Variants in REELD1 observed in about 807,000 individuals in gnomAD.
REELD1 encodes reelin domain-containing protein 1.
REELD1 carries 12 observed loss-of-function variants against 6.3 expected under a neutral mutation model. The ratio of observed to expected loss-of-function variants is 1.89; its 90% CI spans 1.21 to 3.07. The LOEUF (loss-of-function observed/expected upper bound fraction) is 3.07. REELD1 is among the 30% of genes most tolerant of loss of function. The pLI, the probability that REELD1 is intolerant of heterozygous loss-of-function variation, is 0.00. For synonymous variants in REELD1, 57 were observed against 33.6 expected, an observed-to-expected ratio of 1.70 and a Z score of -2.42; for missense variants, 163 against 86.8, an observed-to-expected ratio of 1.88 and a Z score of -3.49.
intron 3 of REELD1, among the ~76,000 whole-genome samples, chr4:146,218,187 T>A (rs1372149398): frequency 6.6e-6 from 1 of 152,180 alleles, no homozygotes; most frequent in Non-Finnish European, 1.5e-5. Context: ...GTGAAACACC[T>A]CTGAATCATC....
In REELD1 at chr4:146,230,231, C is replaced by T; in HGVS notation, c.1299C>T (p.Ala433=). The change falls in exon 8 of 8, where the codon GCC becomes GCT. Residue 433 remains alanine (A), a synonymous_variant. Coordinates refer to ENST00000623665, the MANE Select transcript of REELD1 (RefSeq NM_001354631.1). ...RPDIGLEGAQ[A]PLGIQLRTPQ... The stretch of plus-strand genomic sequence containing the variant: ...ACATTGGGCTAGAGGGAGCCCAGGC[C>T]CCTCTGGGTATCCAGCTCAGAACTC... 2.5e-6 allele frequency: 1 copy of T among 398,790 alleles called. No individual in the cohort carries two copies. The highest frequency in any genetic ancestry group is 4.4e-6 in the Non-Finnish European group (1 of 226,168). 24.7% of individuals were successfully genotyped at this position (398,790 alleles called of 1,614,324 possible).
intron 2 of REELD1, among the ~76,000 whole-genome samples, chr4:146,215,752 CTTTTT>C (rs3029291): frequency 9.0e-5 from 11 of 122,782 alleles, no homozygotes; most frequent in East Asian, 2.4e-4. Context: ...AAAAACAGAA[CTTTTT>C]TTTTTTTTTT....
rs545982194 is a variant in REELD1, at chr4:146,222,429, C to G, written c.281C>G (p.Ala94Gly). The G allele has an allele frequency of 9.3e-5, 37 of 398,644 alleles. 2 individuals are homozygous for G. In the South Asian group the frequency reaches 4.3e-3, roughly 47 times the overall value. 24.7% of individuals were successfully genotyped at this position (398,644 alleles called of 1,614,324 possible). The part of the protein sequence containing the change: ...QARRVSDHQI[A>G]GTFVLIPPHS... Reference sequence around the variant, plus strand: ...CGAAGAGTGTCCGATCATCAAATCGCTGGCACTTTCGTTCTCATTCCTCCT... The same window carrying G: ...CGAAGAGTGTCCGATCATCAAATCGGTGGCACTTTCGTTCTCATTCCTCCT... Residue 94 changes from alanine (A) to glycine (G), a missense_variant, in exon 4 of 8, where the codon GCT (alanine) becomes GGT (glycine). Ala to Gly is a moderately conservative substitution (Grantham distance 60). Coordinates refer to ENST00000623665, the MANE Select transcript of REELD1 (RefSeq NM_001354631.1).
chr4:146,231,656 T>C lies in REELD1; in HGVS notation c.*1143T>C, dbSNP rs142134350. ...ATTTGTTTATTGAACACCTAATTCA[T>C]ACGGGAACTGTGCTAAGTAGTTTGC... is the stretch of plus-strand genomic sequence containing the variant. On this transcript the variant is annotated 3_prime_UTR_variant, in exon 8 of 8. Coordinates refer to ENST00000623665, the MANE Select transcript of REELD1 (RefSeq NM_001354631.1). Among the ~76,000 whole-genome samples the C allele has an allele frequency of 6.6e-6, 1 of 152,346 alleles. No individual in the cohort carries two copies. Among genetic ancestry groups the C allele is most frequent in the African/African-American group, 2.4e-5 (1 of 41,568 alleles).
intron 5 of REELD1, among the ~76,000 whole-genome samples, chr4:146,226,274 C>G (rs1472142945): frequency 1.3e-5 from 2 of 152,156 alleles, no homozygotes; most frequent in Non-Finnish European, 2.9e-5. Context: ...GACACTTCCT[C>G]AAACTGGACT....
chr4:146,225,054 A>T (rs1348321720), intron 5 of REELD1, among the ~76,000 whole-genome samples: 1 of 152,166 alleles, frequency 6.6e-6, no homozygotes. Flanking sequence ...GTTACTTTTC[A>T]TAGTAGGTAG....
At chr4:146,224,049 C>A (rs75971528) in intron 4 of REELD1, among the ~76,000 whole-genome samples, 2,673 of 152,282 alleles carry the variant, frequency 0.018, 39 homozygotes, top group Middle Eastern at 0.051. Context: ...AATTATACAA[C>A]AGAATTATAA....
At chr4:146,227,911 A>G (rs1199670742) in intron 5 of REELD1, among the ~76,000 whole-genome samples, 1 of 152,130 alleles carries the variant, frequency 6.6e-6, no homozygotes, top group Non-Finnish European at 1.5e-5. Flanking sequence ...CAGAGGTGAA[A>G]TAAATATGGT....
intron 2 of REELD1, among the ~76,000 whole-genome samples, chr4:146,216,633 T>C (rs1323627801): frequency 6.6e-6 from 1 of 152,246 alleles, no homozygotes. Flanking sequence ...ACAAACATTT[T>C]CTGGTTTTAT....
At chr4:146,226,160 A>G (rs1302604521) in intron 5 of REELD1, among the ~76,000 whole-genome samples, 2 of 152,192 alleles carry the variant, frequency 1.3e-5, no homozygotes, top group Non-Finnish European at 1.5e-5. Context: ...GGAAATTAGT[A>G]TATTGTATAT....
At chr4:146,226,460 G>A (rs900760148) in intron 5 of REELD1, among the ~76,000 whole-genome samples, 1 of 152,184 alleles carries the variant, frequency 6.6e-6, no homozygotes, top group Non-Finnish European at 1.5e-5. Flanking sequence ...CATTCTGGAG[G>A]TTGGGAAGTC....
intron 6 of REELD1, 69 bp from the exon 7 acceptor site, chr4:146,228,956 G>T: frequency 1.4e-6 from 1 of 700,952 alleles, no homozygotes; most frequent in Non-Finnish European, 2.6e-6. Flanking sequence ...ACACAACTGT[G>T]GTAGGAAACA....
chr4:146,225,078 A>G (rs886972678), intron 5 of REELD1, among the ~76,000 whole-genome samples: 18 of 152,226 alleles, frequency 1.2e-4, no homozygotes, highest in African/African-American at 3.9e-4. Flanking sequence ...GCTCTTTGCA[A>G]CCTGGGTTGG....
rs547403754 is a variant in REELD1, at chr4:146,232,228, C to G, written c.*1715C>G. The stretch of plus-strand genomic sequence containing the variant: ...GTCTATTGATGTGAACAAATTACCT[C>G]TAGGCTTAGTAGTTGAAAATAAAAT... On this transcript the variant is annotated 3_prime_UTR_variant, in exon 8 of 8. Transcript: ENST00000623665. 5 of 152,308 alleles carry G rather than the reference C, an allele frequency of 3.3e-5. No homozygotes were observed. The allele number at this position is 152,308 out of a possible 1,614,324, so 9.4% of individuals were successfully genotyped here.
intron 2 of REELD1, among the ~76,000 whole-genome samples, chr4:146,215,864 C>T (rs572396788): frequency 6.6e-6 from 1 of 151,998 alleles, no homozygotes; most frequent in South Asian, 2.1e-4. Context: ...AATTCTCCTG[C>T]CTCAGCCTCC....
rs146865709 is a variant in REELD1, at chr4:146,216,498, A to T, written c.-11-444A>T. 3.0e-3 allele frequency among the ~76,000 whole-genome samples: 457 copies of T among 152,340 alleles called. 6 individuals are homozygous for T. Among genetic ancestry groups the T allele is most frequent in the African/African-American group, 0.01 (436 of 41,586 alleles). ...CAATTGCAACAGAGATAAGATGCTC[A>T]GCCAAGCCATCCCATGCCATGCTGC... On this transcript the variant is annotated intron_variant, in intron 2 of 7. Coordinates refer to ENST00000623665, the MANE Select transcript of REELD1 (RefSeq NM_001354631.1).
rs1731108482 is a variant in REELD1, at chr4:146,230,395, G to C, written c.1463G>C (p.Arg488Thr). The C allele has an allele frequency of 2.5e-6, 1 of 398,784 alleles. No individual in the cohort carries two copies. The highest frequency in any genetic ancestry group is 4.4e-6 in the Non-Finnish European group (1 of 226,158). 24.7% of individuals were successfully genotyped at this position (398,784 alleles called of 1,614,324 possible). Residue 488 changes from arginine (R) to threonine (T), a missense_variant, in exon 8 of 8, where the codon AGG becomes ACG. Coordinates refer to ENST00000623665, the MANE Select transcript of REELD1 (RefSeq NM_001354631.1). ...GAGCCCGCTTCGGATGCTGTTGCCA[G>C]GAGCAACAGTGGTGAGACTGTGCAC... ...FSEPASDAVA[R>T]SNSGETVHVR... is the part of the protein sequence containing the mutation.
At chr4:146,221,487 GAC>G (rs1730921565) in intron 3 of REELD1, among the ~76,000 whole-genome samples, 1 of 152,172 alleles carries the variant, frequency 6.6e-6, no homozygotes. Flanking sequence ...GTCTTATCAA[GAC>G]TGCTTACAAC....
At chr4:146,218,873 G>C (rs1487738516) in intron 3 of REELD1, among the ~76,000 whole-genome samples, 1 of 152,178 alleles carries the variant, frequency 6.6e-6, no homozygotes, top group African/African-American at 2.4e-5. Flanking sequence ...TGTCAGCCAG[G>C]CATGGTGGCT....
Sources: allele counts gnomAD v4.1 joint callset (sites outside exome capture counted in the v4.1 genomes callset), GRCh38; gene constraint gnomAD v4.1.1; transcripts MANE v1.5; gene names NCBI Gene and HGNC (gene_info 2026-07-23, HGNC 2026-07-21).